Variants in ESRRB observed in about 807,000 individuals in gnomAD.
ESRRB encodes steroid hormone receptor ERR2.
Under a neutral mutation model 46.0 loss-of-function variants are expected in ESRRB, and 16 were observed. The ratio of observed to expected loss-of-function variants is 0.35; its 90% CI spans 0.24 to 0.53. The LOEUF is 0.53. Among genes scored for constraint, ESRRB ranks in the 20% least tolerant of loss-of-function variants. ESRRB has a pLI of 0.93. For synonymous variants in ESRRB, 246 were observed against 259.6 expected, an observed-to-expected ratio of 0.95 and a Z score of 0.50; for missense variants, 488 against 607.4, an observed-to-expected ratio of 0.80 and a Z score of 2.07.
chr14:76,462,116 G>A (rs1444568200), intron 2 of ESRRB, among the ~76,000 whole-genome samples: 2 of 152,208 alleles, frequency 1.3e-5, no homozygotes, highest in South Asian at 2.1e-4. Context: ...TTTCCAGGAG[G>A]CTTTTCCCAC....
chr14:76,478,422 C>G (rs376704729), intron 3 of ESRRB, among the ~76,000 whole-genome samples: 2 of 139,482 alleles, frequency 1.4e-5, no homozygotes, highest in Non-Finnish European at 3.2e-5. Flanking sequence ...CTTGCCTTGC[C>G]GAGGGACAGA....
chr14:76,424,003 G>C (rs1274887735), intron 1 of ESRRB, among the ~76,000 whole-genome samples: 1 of 152,174 alleles, frequency 6.6e-6, no homozygotes, highest in Non-Finnish European at 1.5e-5. Flanking sequence ...CTTCAGCAGA[G>C]GAATGTTGTG....
intron 1 of ESRRB, among the ~76,000 whole-genome samples, chr14:76,340,033 G>A (rs1289456905): frequency 2.0e-5 from 3 of 152,022 alleles, no homozygotes; most frequent in Admixed American, 6.5e-5. Flanking sequence ...CGGGGCAGGC[G>A]GCAATCTTTA....
chr14:76,451,206 G>T (rs1263133516), intron 2 of ESRRB, among the ~76,000 whole-genome samples: 1 of 152,216 alleles, frequency 6.6e-6, no homozygotes, highest in Non-Finnish European at 1.5e-5. Context: ...GGCTTCACAG[G>T]TCATGGTAAG....
At chr14:76,316,994 G>C (rs1370987500) in intron 1 of ESRRB, among the ~76,000 whole-genome samples, 3 of 152,096 alleles carry the variant, frequency 2.0e-5, no homozygotes, top group Admixed American at 6.6e-5. Flanking sequence ...TAACCACTCT[G>C]GTCCCGGGTG....
At chr14:76,437,223 G>C (rs1211298150) in intron 1 of ESRRB, among the ~76,000 whole-genome samples, 1 of 152,122 alleles carries the variant, frequency 6.6e-6, no homozygotes, top group Non-Finnish European at 1.5e-5. Context: ...GTAGAGACGG[G>C]CTTTCACCAT....
At position 76,446,894 on chromosome 14, in the gene ESRRB, G is replaced by T. The variant is rs185050250; in HGVS notation, c.460+7144G>T. ...GGCTGGAAAAGTCAGCTGCTTCTGGGACTTAGGGCTGAGTGACACTGACTC... is the reference window on the plus strand; with the variant it reads ...GGCTGGAAAAGTCAGCTGCTTCTGGTACTTAGGGCTGAGTGACACTGACTC... On this transcript the variant is annotated intron_variant, in intron 2 of 6. Coordinates refer to ENST00000644823, the MANE Select transcript of ESRRB (RefSeq NM_001379180.1). Among the ~76,000 whole-genome samples the T allele has an allele frequency of 2.3e-3, 353 of 152,242 alleles. 1 individual carries two copies. The highest frequency in any genetic ancestry group is 3.7e-3 in the Non-Finnish European group (255 of 68,000).
chr14:76,491,575 A>C lies in ESRRB; in HGVS notation c.979A>C (p.Ile327Leu), dbSNP rs576301680. 10 of 1,592,054 alleles carry C rather than the reference A, an allele frequency of 6.3e-6. No individual in the cohort carries two copies. In the African/African-American group the frequency reaches 9.3e-5, roughly 15 times the overall value. The change falls in exon 6 of 7, where the codon ATC becomes CTC. Residue 327 changes from isoleucine to leucine, a missense_variant. Coordinates refer to ENST00000644823, the MANE Select transcript of ESRRB (RefSeq NM_001379180.1). ...DDKLVYAEDY[I>L]MDEEHSRLAG... Reference sequence around the variant, plus strand: ...CAAGCTGGTGTACGCTGAGGACTACATCATGGATGAGGAGCACTCCCGCCT... The same window carrying C: ...CAAGCTGGTGTACGCTGAGGACTACCTCATGGATGAGGAGCACTCCCGCCT...
chr14:76,439,571 G>A lies in ESRRB; in HGVS notation c.281G>A (p.Arg94His). Residue 94 changes from arginine (R) to histidine (H), a missense_variant, in exon 2 of 7, where the codon CGC becomes CAC. Transcript: ENST00000644823. Reference sequence around the variant, plus strand: ...GCCGGGCTGGGAGGCACCCCATGCCGCAAGAGCTACGAGGACTGTGCCAGC... The same window carrying A: ...GCCGGGCTGGGAGGCACCCCATGCCACAAGAGCTACGAGGACTGTGCCAGC... The part of the protein sequence containing the change: ...AGAGLGGTPC[R>H]KSYEDCASGI... 3 of 1,614,088 alleles carry A rather than the reference G, an allele frequency of 1.9e-6. No individual in the cohort carries two copies. The highest frequency in any genetic ancestry group is 2.5e-6 in the Non-Finnish European group (3 of 1,179,996).
At chr14:76,483,962 T>C (rs1014213599) in intron 5 of ESRRB, among the ~76,000 whole-genome samples, 3 of 152,302 alleles carry the variant, frequency 2.0e-5, no homozygotes, top group African/African-American at 4.8e-5. Context: ...CAAGTGATTC[T>C]CGGGCCTCAG....
intron 6 of ESRRB, among the ~76,000 whole-genome samples, chr14:76,497,876 G>A (rs1722119843): frequency 6.6e-6 from 1 of 152,134 alleles, no homozygotes; most frequent in African/African-American, 2.4e-5. Context: ...TACAAGTGAG[G>A]AAAATGAGGC....
At chr14:76,419,580 C>T (rs1217372022) in intron 1 of ESRRB, among the ~76,000 whole-genome samples, 2 of 152,164 alleles carry the variant, frequency 1.3e-5, no homozygotes, top group African/African-American at 4.8e-5. Flanking sequence ...AGACTGATTA[C>T]CCTGAAGACA....
rs368067301 is a variant in ESRRB, at chr14:76,462,553, G to A, written c.469G>A (p.Glu157Lys). The stretch of plus-strand genomic sequence containing the variant: ...TCTGTGTCTGGTTGCAGGGAACATT[G>A]AGTACAGCTGCCCGGCCACCAACGA... Reference protein sequence around the residue: ...FFKRTIQGNIEYSCPATNECE... With the variant: ...FFKRTIQGNIKYSCPATNECE... The change falls in exon 3 of 7, where the codon GAG becomes AAG. Residue 157 changes from glutamate (E) to lysine (K), a missense_variant. Glu to Lys is a moderately conservative substitution (Grantham distance 56). Transcript: ENST00000644823. 2 of 1,613,636 alleles carry A rather than the reference G, an allele frequency of 1.2e-6. No homozygotes were observed. Among genetic ancestry groups the A allele is most frequent in the Non-Finnish European group, 1.7e-6 (2 of 1,179,790 alleles).
At position 76,439,655 on chromosome 14, in the gene ESRRB, G is replaced by A. The variant is rs755315466; in HGVS notation, c.365G>A (p.Arg122His). 3 of 1,614,252 alleles carry A rather than the reference G, an allele frequency of 1.9e-6. No homozygotes were observed. The highest frequency in any genetic ancestry group is 2.5e-6 in the Non-Finnish European group (3 of 1,180,048). Reference sequence around the variant, plus strand: ...TACATGCTCAACGCCATCCCCAAGCGCCTGTGCCTCGTGTGCGGGGACATT... The same window carrying A: ...TACATGCTCAACGCCATCCCCAAGCACCTGTGCCTCGTGTGCGGGGACATT... ...CEYMLNAIPK[R>H]LCLVCGDIAS... The change falls in exon 2 of 7, where the codon CGC becomes CAC. Residue 122 changes from arginine to histidine, a missense_variant. Transcript: ENST00000644823.
chr14:76,397,711 C>G (rs542966653), intron 1 of ESRRB, among the ~76,000 whole-genome samples: 1 of 152,218 alleles, frequency 6.6e-6, no homozygotes, highest in Admixed American at 6.5e-5. Flanking sequence ...TCGAGACCAG[C>G]CTGGGCAATG....
At position 76,462,731 on chromosome 14, in the gene ESRRB, G is replaced by A. The variant is rs186536111; in HGVS notation, c.577+70G>A. 590 of 1,153,050 alleles carry A rather than the reference G, an allele frequency of 5.1e-4. 2 individuals carry two copies. The African/African-American group carries it at 7.9e-3, about 16-fold the overall frequency. The allele number at this position is 1,153,050 out of a possible 1,614,324, so 71.4% of individuals were successfully genotyped here. On this transcript the variant is annotated intron_variant, in intron 3 of 6. Coordinates refer to ENST00000644823, the MANE Select transcript of ESRRB (RefSeq NM_001379180.1). ...GCTGGGGAGTTTTTGTCCCCTGTGA[G>A]ACACCCACAAGCTGTGGACCTGTGT...
chr14:76,488,061 G>A (rs1478280696), intron 5 of ESRRB, among the ~76,000 whole-genome samples: 1 of 152,138 alleles, frequency 6.6e-6, no homozygotes, highest in East Asian at 1.9e-4. Flanking sequence ...GTATGTAACA[G>A]AAGTCTCACC....
chr14:76,454,985 G>A (rs1008994511), intron 2 of ESRRB, among the ~76,000 whole-genome samples: 3 of 151,870 alleles, frequency 2.0e-5, no homozygotes, highest in Admixed American at 2.0e-4. Flanking sequence ...AGGAGTTTGA[G>A]ACCAGCCTGG....
At chr14:76,388,914 C>T (rs1885353377) in intron 1 of ESRRB, among the ~76,000 whole-genome samples, 1 of 152,190 alleles carries the variant, frequency 6.6e-6, no homozygotes, top group Non-Finnish European at 1.5e-5. Flanking sequence ...GTCTGAGTCT[C>T]AGTGCCCTAC....
Sources: gnomAD v4.1 joint callset for allele counts (sites outside exome capture counted in the v4.1 genomes callset) on GRCh38, gnomAD v4.1.1 for gene constraint, MANE v1.5 for transcripts, NCBI Gene and HGNC (gene_info 2026-07-23, HGNC 2026-07-21) for gene names.